Variants in PTPRD observed in about 807,000 individuals in gnomAD.
PTPRD encodes receptor-type tyrosine-protein phosphatase delta.
A neutral mutation model predicts 214.5 loss-of-function variants in PTPRD; 34 were observed. The observed-to-expected ratio is 0.16, with a 90% CI of 0.12 to 0.21. The LOEUF is 0.21. PTPRD is among the 10% of genes least tolerant of loss of function. The pLI is 1.00. For synonymous variants in PTPRD, 1,128 were observed against 845.7 expected, an observed-to-expected ratio of 1.33 and a Z score of -5.79; for missense variants, 2,545 against 2,398.7, an observed-to-expected ratio of 1.06 and a Z score of -1.27.
intron 3 of PTPRD, among the ~76,000 whole-genome samples, chr9:10,264,159 C>G (rs1379111253): frequency 6.6e-6 from 1 of 152,192 alleles, no homozygotes; most frequent in Non-Finnish European, 1.5e-5. Context: ...AGAACCTCTG[C>G]TAGGACAGTG....
At chr9:9,230,835 G>C (rs1213212996) in intron 9 of PTPRD, among the ~76,000 whole-genome samples, 1 of 152,104 alleles carries the variant, frequency 6.6e-6, no homozygotes, top group African/African-American at 2.4e-5. Context: ...GAGAGATTTT[G>C]CCTGAGATTA....
intron 12 of PTPRD, among the ~76,000 whole-genome samples, chr9:8,727,819 T>C (rs968460212): frequency 1.4e-4 from 22 of 151,918 alleles, no homozygotes; most frequent in African/African-American, 5.3e-4. Context: ...CAACTGGCTG[T>C]TTTTTTTCCT....
chr9:10,574,496 T>C (rs2068521759), intron 2 of PTPRD, among the ~76,000 whole-genome samples: 1 of 151,906 alleles, frequency 6.6e-6, no homozygotes, highest in South Asian at 2.1e-4. Context: ...CAGGTTCTTA[T>C]CAGTAAAAGG....
chr9:8,888,267 C>A (rs1349883019), intron 11 of PTPRD, among the ~76,000 whole-genome samples: 1 of 152,096 alleles, frequency 6.6e-6, no homozygotes, highest in Non-Finnish European at 1.5e-5. Flanking sequence ...TGTTTATGTA[C>A]CAACATAGTA....
intron 5 of PTPRD, among the ~76,000 whole-genome samples, chr9:9,812,669 A>G (rs1161926778): frequency 6.6e-6 from 1 of 152,210 alleles, no homozygotes; most frequent in African/African-American, 2.4e-5. Flanking sequence ...TATGTAAAGA[A>G]AATATAAACA....
chr9:10,200,332 G>C (rs561247126), intron 3 of PTPRD, among the ~76,000 whole-genome samples: 1 of 152,020 alleles, frequency 6.6e-6, no homozygotes. Flanking sequence ...TTCCACCCAG[G>C]GCAAATTTGG....
At chr9:10,038,807 T>G (rs1470022062) in intron 3 of PTPRD, among the ~76,000 whole-genome samples, 1 of 152,066 alleles carries the variant, frequency 6.6e-6, no homozygotes, top group African/African-American at 2.4e-5. Flanking sequence ...GTATAAAATG[T>G]TGTATTATTA....
chr9:9,048,078 T>C (rs906793231), intron 10 of PTPRD, among the ~76,000 whole-genome samples: 7 of 152,094 alleles, frequency 4.6e-5, no homozygotes, highest in Non-Finnish European at 8.8e-5. Flanking sequence ...ATCAGAGAAA[T>C]GCAAATTAAA....
chr9:8,548,676 ATTTTTTTTTTTTTTTTTTTTTT>A (rs71317369), intron 14 of PTPRD, among the ~76,000 whole-genome samples: 2 of 41,080 alleles, frequency 4.9e-5, no homozygotes, highest in Non-Finnish European at 8.9e-5. Context: ...CTGGAGCTGG[ATTTTTTTTTTTTTTTTTTTTTT>A]TTTTTTTTTT....
chr9:9,990,073 G>C (rs2095860966), intron 4 of PTPRD, among the ~76,000 whole-genome samples: 1 of 152,158 alleles, frequency 6.6e-6, no homozygotes, highest in Non-Finnish European at 1.5e-5. Context: ...ACTTTCCTCT[G>C]AGCTATGCCA....
chr9:10,528,538 A>G (rs2055067489), intron 2 of PTPRD, among the ~76,000 whole-genome samples: 1 of 152,218 alleles, frequency 6.6e-6, no homozygotes, highest in Non-Finnish European at 1.5e-5. Flanking sequence ...ATTAAAATAT[A>G]TACAAAATAT....
intron 14 of PTPRD, among the ~76,000 whole-genome samples, chr9:8,543,115 C>A (rs937211960): frequency 1.3e-5 from 2 of 152,152 alleles, no homozygotes; most frequent in South Asian, 2.1e-4. Context: ...ATACAACATG[C>A]CAATTAAATA....
chr9:9,054,387 G>T (rs1246973883), intron 10 of PTPRD, among the ~76,000 whole-genome samples: 1 of 152,080 alleles, frequency 6.6e-6, no homozygotes, highest in Non-Finnish European at 1.5e-5. Context: ...AAATTTTTTG[G>T]TATTATTCAG....
At chr9:9,158,578 T>TGA (rs1352870808) in intron 10 of PTPRD, among the ~76,000 whole-genome samples, 1 of 151,986 alleles carries the variant, frequency 6.6e-6, no homozygotes, top group African/African-American at 2.4e-5. Flanking sequence ...CCAGCCTGGG[T>TGA]GACAGAGTGA....
In PTPRD at chr9:10,248,533, A is replaced by AAAAAAAAAAAC. The variant is rs60272481; in HGVS notation, c.-545+92429_-545+92430insGTTTTTTTTTT. Reference sequence around the variant, plus strand: ...TAGCAAAAAAAAAAAAAAATAAAAAAAATAAAGCGAGAAACCAAAATGATA... The same window carrying AAAAAAAAAAAC: ...TAGCAAAAAAAAAAAAAAATAAAAAAAAAAAAAAAACAATAAAGCGAGAAACCAAAATGATA... On this transcript the variant is annotated intron_variant, in intron 3 of 45. Coordinates refer to ENST00000381196, the MANE Select transcript of PTPRD (RefSeq NM_002839.4). Among the ~76,000 whole-genome samples the AAAAAAAAAAAC allele has an allele frequency of 1.1e-3, 146 of 127,386 alleles. 4 individuals carry two copies. Among genetic ancestry groups the AAAAAAAAAAAC allele is most frequent in the African/African-American group, 2.3e-3 (69 of 30,344 alleles). 83.6% of individuals were successfully genotyped at this position (127,386 alleles called of 152,430 possible).
chr9:8,887,800 T>C (rs1386432461), intron 11 of PTPRD, among the ~76,000 whole-genome samples: 2 of 152,164 alleles, frequency 1.3e-5, no homozygotes, highest in Non-Finnish European at 2.9e-5. Context: ...TTTAAAACTT[T>C]AGAATACACA....
intron 11 of PTPRD, among the ~76,000 whole-genome samples, chr9:8,757,683 T>C (rs1420910698): frequency 4.0e-5 from 6 of 148,252 alleles, no homozygotes; most frequent in African/African-American, 1.2e-4. Flanking sequence ...TATATATATA[T>C]ACATAAAAAC....
intron 11 of PTPRD, among the ~76,000 whole-genome samples, chr9:8,971,464 T>A (rs1287885254): frequency 1.3e-5 from 2 of 151,804 alleles, no homozygotes; most frequent in Admixed American, 6.6e-5. Flanking sequence ...ATTTTCTTTA[T>A]CTGTGAGATG....
At chr9:10,452,060 C>T (rs886114630) in intron 2 of PTPRD, among the ~76,000 whole-genome samples, 2 of 151,922 alleles carry the variant, frequency 1.3e-5, no homozygotes, top group Admixed American at 1.3e-4. Context: ...TTTACAGTTT[C>T]ATCAGTGAGA....
Sources: allele counts gnomAD v4.1 joint callset (sites outside exome capture counted in the v4.1 genomes callset), GRCh38; gene constraint gnomAD v4.1.1; transcripts MANE v1.5; gene names NCBI Gene and HGNC (gene_info 2026-07-23, HGNC 2026-07-21).